The following ANKRD44 variants were observed in gnomAD, a reference collection of about 807,000 sequenced individuals.
ANKRD44 encodes the protein ankyrin repeat domain 44.
A neutral mutation model predicts 116.0 loss-of-function variants in ANKRD44; 35 were observed. The ratio of observed to expected loss-of-function variants is 0.30; its 90% CI spans 0.23 to 0.40. The LOEUF (loss-of-function observed/expected upper bound fraction) is 0.40, where lower values mean the gene tolerates loss of function less well. ANKRD44 is among the 10% of genes least tolerant of loss of function. The pLI is 1.00. For missense variants in ANKRD44, 1,014 were observed against 1,242.6 expected (o/e 0.82, Z 2.77); for synonymous variants, 435 against 461.8 (o/e 0.94, Z 0.74).
At chr2:197,066,289 T>C (rs1026474001) in intron 16 of ANKRD44, among the ~76,000 whole-genome samples, 2 of 152,150 alleles carry the variant, frequency 1.3e-5, no homozygotes, top group African/African-American at 4.8e-5. Context: ...GGGACATATC[T>C]CAAAATATTA....
At chr2:197,009,199 C>T (rs945909942) in intron 18 of ANKRD44, among the ~76,000 whole-genome samples, 168 bp from the exon 19 acceptor site, 5 of 152,094 alleles carry the variant, frequency 3.3e-5, no homozygotes, top group African/African-American at 1.2e-4. Flanking sequence ...TCAAGCTATT[C>T]TCCTGCCTCA....
At chr2:197,038,970 C>T (rs1480091937) in intron 16 of ANKRD44, among the ~76,000 whole-genome samples, 5 of 152,088 alleles carry the variant, frequency 3.3e-5, no homozygotes, top group Non-Finnish European at 7.4e-5. Context: ...TCAAAGTGTT[C>T]CCATATTATT....
intron 16 of ANKRD44, among the ~76,000 whole-genome samples, chr2:197,035,752 G>A (rs2076795145): frequency 6.6e-6 from 1 of 152,034 alleles, no homozygotes; most frequent in Non-Finnish European, 1.5e-5. Context: ...CAACTGTGCA[G>A]CCAGTACTCG....
intron 1 of ANKRD44, chr2:197,263,351 C>A: frequency 1.5e-6 from 1 of 661,668 alleles, no homozygotes. Context: ...TGGGGCGCCA[C>A]AGTTGGGGTG....
intron 1 of ANKRD44, among the ~76,000 whole-genome samples, chr2:197,197,025 T>C (rs558691881): frequency 1.3e-5 from 2 of 152,284 alleles, no homozygotes; most frequent in East Asian, 3.9e-4. Flanking sequence ...TAGCAACCAT[T>C]CTAAAATTTA....
In ANKRD44 at chr2:197,122,657, C is replaced by T. The variant is rs769568206; in HGVS notation, c.686G>A (p.Gly229Glu). Residue 229 changes from glycine to glutamate, a missense_variant, in exon 7 of 28, where the codon GGG becomes GAG. Gly to Glu is a moderately conservative substitution (Grantham distance 98). Transcript: ENST00000282272. Reference sequence around the variant, plus strand: ...GCATTCATCATAGCTCACCTCCACCCCCAGGTTCAGGAGATGCTTGACAAC... The same window carrying T: ...GCATTCATCATAGCTCACCTCCACCTCCAGGTTCAGGAGATGCTTGACAAC... ...INVVKHLLNLGVEIDEINVYG... is the reference protein window; with the variant it reads ...INVVKHLLNLEVEIDEINVYG... 1 of 1,613,766 alleles carries T rather than the reference C, an allele frequency of 6.2e-7. No individual in the cohort carries two copies. The highest frequency in any genetic ancestry group is 8.5e-7 in the Non-Finnish European group (1 of 1,179,832).
intron 1 of ANKRD44, among the ~76,000 whole-genome samples, chr2:197,260,234 TC>T (rs1488256822): frequency 2.7e-5 from 4 of 148,968 alleles, no homozygotes; most frequent in African/African-American, 9.7e-5. Context: ...TCCTCCCCAC[TC>T]CCCCCACTCC....
At chr2:197,145,308 T>TAAATA (rs1421263168) in intron 3 of ANKRD44, among the ~76,000 whole-genome samples, 54 of 150,656 alleles carry the variant, frequency 3.6e-4, no homozygotes, top group African/African-American at 1.2e-3. Flanking sequence ...AATAAATAAA[T>TAAATA]AAATAAAATA....
intron 1 of ANKRD44, among the ~76,000 whole-genome samples, chr2:197,254,979 G>A (rs1283903758): frequency 6.6e-6 from 1 of 152,148 alleles, no homozygotes; most frequent in East Asian, 1.9e-4. Flanking sequence ...ATTTGTCCAA[G>A]GTGCTGCCCT....
In ANKRD44 at chr2:196,988,571, T is replaced by G; in HGVS notation, c.*1020A>C. On this transcript the variant is annotated 3_prime_UTR_variant, in exon 28 of 28. Transcript: ENST00000282272. ...GGATATTAAGAGTAAGATTAAAGTT[T>G]TATAGCTAGATGAAAAATATAATAC... 1.0e-6 allele frequency: 1 copy of G among 984,320 alleles called. No individual in the cohort carries two copies. The highest frequency in any genetic ancestry group is 1.2e-6 in the Non-Finnish European group (1 of 828,930). 61.0% of individuals were successfully genotyped at this position (984,320 alleles called of 1,614,324 possible).
At chr2:197,086,635 T>C in intron 13 of ANKRD44, 45 bp downstream of exon 13, 2 of 1,576,748 alleles carry the variant, frequency 1.3e-6, no homozygotes, top group Non-Finnish European at 1.7e-6. Flanking sequence ...CCACTCCCAG[T>C]TCCTCTTATT....
rs542733682 is a variant in ANKRD44 at position 197,136,108 on chromosome 2, T to G, written c.261+484A>C. Reference sequence around the variant, plus strand: ...CCCAACCTCCACTATCAGATTTACCTTCTACTATAGCCTGAGTTCCAGTTA... The same window carrying G: ...CCCAACCTCCACTATCAGATTTACCGTCTACTATAGCCTGAGTTCCAGTTA... On this transcript the variant is annotated intron_variant, in intron 4 of 27. Transcript: ENST00000282272. 1.7e-4 allele frequency: 29 copies of G among 169,398 alleles called. No homozygotes were observed. In the South Asian group the frequency reaches 4.0e-3, roughly 24 times the overall value. 10.5% of individuals were successfully genotyped at this position (169,398 alleles called of 1,614,324 possible). A position where few individuals can be genotyped will look rare whatever the true frequency, so the allele number is the denominator to read the frequency against.
intron 1 of ANKRD44, among the ~76,000 whole-genome samples, chr2:197,200,294 G>A (rs557237051): frequency 1.2e-3 from 182 of 152,302 alleles, no homozygotes; most frequent in African/African-American, 4.1e-3. Context: ...TAAGAAGCCA[G>A]AGTGGTGTCT....
rs550390185 is a variant in ANKRD44, at chr2:197,192,710, G to T, written c.28-5604C>A. On this transcript the variant is annotated intron_variant, in intron 1 of 27. Transcript: ENST00000282272. Reference sequence around the variant, plus strand: ...AACAAAACCTGCTAACTGAATTCATGTGAGTTCTGCTGTATGATCTCCTGC... The same window carrying T: ...AACAAAACCTGCTAACTGAATTCATTTGAGTTCTGCTGTATGATCTCCTGC... Among the ~76,000 whole-genome samples, 32 of 152,198 alleles carry T rather than the reference G, an allele frequency of 2.1e-4. 1 individual carries two copies. Among genetic ancestry groups the T allele is most frequent in the Non-Finnish European group, 4.6e-4 (31 of 68,026 alleles).
chr2:197,133,215 G>A (rs1307256663), intron 4 of ANKRD44, among the ~76,000 whole-genome samples: 1 of 152,194 alleles, frequency 6.6e-6, no homozygotes, highest in Non-Finnish European at 1.5e-5. Context: ...CTTGGGCCAG[G>A]TGCATGCACA....
intron 9 of ANKRD44, among the ~76,000 whole-genome samples, chr2:197,105,010 AACTG>A (rs1160122924): frequency 3.9e-5 from 6 of 152,222 alleles, no homozygotes; most frequent in Non-Finnish European, 8.8e-5. Flanking sequence ...ATCCCTTTTT[AACTG>A]ACTGGGACAG....
intron 4 of ANKRD44, among the ~76,000 whole-genome samples, chr2:197,127,720 T>TA (rs1336190466): frequency 6.6e-6 from 1 of 152,196 alleles, no homozygotes; most frequent in African/African-American, 2.4e-5. Context: ...GTACAGGTTA[T>TA]ATAGGTAAAT....
At chr2:197,155,623 A>T (rs1257310949) in intron 2 of ANKRD44, among the ~76,000 whole-genome samples, 2 of 152,240 alleles carry the variant, frequency 1.3e-5, no homozygotes, top group Admixed American at 1.3e-4. Context: ...GAACAATGAG[A>T]TATTAAACTT....
At chr2:197,304,671 T>C (rs1277378905) in intron 1 of ANKRD44, among the ~76,000 whole-genome samples, 1 of 152,202 alleles carries the variant, frequency 6.6e-6, no homozygotes, top group East Asian at 1.9e-4. Context: ...GGTTAACATG[T>C]CTTGCCAAGG....
Sources: allele counts gnomAD v4.1 joint callset (sites outside exome capture counted in the v4.1 genomes callset), GRCh38; gene constraint gnomAD v4.1.1; transcripts MANE v1.5; gene names NCBI Gene and HGNC (gene_info 2026-07-23, HGNC 2026-07-21).